The following NSFL1C variants were observed in gnomAD, a reference collection of about 807,000 sequenced individuals.
NSFL1C encodes the protein NSFL1 cofactor, also known as NSFL1 cofactor p47.
A neutral mutation model predicts 43.1 loss-of-function variants in NSFL1C; 14 were observed. The ratio of observed to expected loss-of-function variants is 0.32; its 90% CI spans 0.21 to 0.51. The LOEUF is 0.51. NSFL1C is among the 20% of genes least tolerant of loss of function. The probability of loss-of-function intolerance (pLI) is 0.98; values close to 1 mark genes in which losing one functional copy is unlikely to be tolerated. For synonymous variants in NSFL1C, 171 were observed against 183.5 expected, an observed-to-expected ratio of 0.93 and a Z score of 0.55; for missense variants, 406 against 472.5, an observed-to-expected ratio of 0.86 and a Z score of 1.30.
At chr20:1,466,454 C>T (rs886651674) in intron 1 of NSFL1C, among the ~76,000 whole-genome samples, 1 of 152,218 alleles carries the variant, frequency 6.6e-6, no homozygotes, top group East Asian at 1.9e-4. Flanking sequence ...CGCCGGCTGC[C>T]GCAGCGCCCG....
chr20:1,458,123 G>T (rs2090339329), intron 3 of NSFL1C, 77 bp downstream of exon 3: 1 of 1,122,532 alleles, frequency 8.9e-7, no homozygotes. Context: ...TGTTTACCAG[G>T]TCCTGTTCTA....
rs112530969 is a variant in NSFL1C at position 1,455,084 on chromosome 20, A to T, written c.327T>A (p.Pro109=). The T allele has an allele frequency of 3.1e-6, 5 of 1,614,128 alleles. No individual in the cohort carries two copies. The Middle Eastern group carries it at 4.9e-4, about 160-fold the overall frequency. ...GCTCGTTGGGACTTTTCTTCCTGGG[A>T]GGGCCAACAATCTGCTGTCCACTTC... The part of the protein sequence containing the change: ...SERSGQQIVG[P]PRKKSPNELV... The change falls in exon 4 of 9, where the codon CCT becomes CCA. Residue 109 remains proline, a synonymous_variant. Transcript: ENST00000216879.
Position 1,443,578 on chromosome 20 carries a change from C to T in NSFL1C, c.*171G>A. ...GATCATCACAAAAACCCAGGAAATGCAACTAAGGAGAAAACAAACGTCCAA... is the reference window on the plus strand; with the variant it reads ...GATCATCACAAAAACCCAGGAAATGTAACTAAGGAGAAAACAAACGTCCAA... On this transcript the variant is annotated 3_prime_UTR_variant, in exon 9 of 9. Coordinates refer to ENST00000216879, the MANE Select transcript of NSFL1C (RefSeq NM_016143.5). 1 of 556,636 alleles carries T rather than the reference C, an allele frequency of 1.8e-6. No individual in the cohort carries two copies. Among genetic ancestry groups the T allele is most frequent in the Non-Finnish European group, 3.1e-6 (1 of 326,276 alleles). 34.5% of individuals were successfully genotyped at this position (556,636 alleles called of 1,614,324 possible).
Position 1,453,461 on chromosome 20 carries a change from C to T in NSFL1C, c.538-321G>A, listed in dbSNP as rs553765830. Among the ~76,000 whole-genome samples the T allele has an allele frequency of 1.4e-3, 213 of 152,212 alleles. 1 individual carries two copies. Among genetic ancestry groups the T allele is most frequent in the South Asian group, 3.3e-3 (16 of 4,822 alleles). On this transcript the variant is annotated intron_variant, in intron 5 of 8. Coordinates refer to ENST00000216879, the MANE Select transcript of NSFL1C (RefSeq NM_016143.5). Reference sequence around the variant, plus strand: ...GACGCTTTGCTTGTGCTTGGTATGCCGTGAGTGTCCGACTAAACTACCATG... The same window carrying T: ...GACGCTTTGCTTGTGCTTGGTATGCTGTGAGTGTCCGACTAAACTACCATG...
At chr20:1,447,960 G>A (rs1324279349) in intron 7 of NSFL1C, among the ~76,000 whole-genome samples, 1 of 152,136 alleles carries the variant, frequency 6.6e-6, no homozygotes, top group Non-Finnish European at 1.5e-5. Flanking sequence ...CAATGAACAA[G>A]CCTCCTTTCA....
Position 1,443,850 on chromosome 20 carries a change from T to C in NSFL1C, c.1012A>G (p.Ile338Val). The change falls in exon 9 of 9, where the codon ATC becomes GTC. Residue 338 changes from isoleucine to valine, a missense_variant. Coordinates refer to ENST00000216879, the MANE Select transcript of NSFL1C (RefSeq NM_016143.5). ...ARPAMAATSF[I>V]LMTTFPNKEL... ...TTGTTCGGGAAAGTAGTCATGAGGA[T>C]AAAGCTGGTGGCAGCCATGGCTGGC... is the stretch of plus-strand genomic sequence containing the variant. The C allele has an allele frequency of 8.7e-6, 14 of 1,613,960 alleles. No homozygotes were observed. The highest frequency in any genetic ancestry group is 1.2e-5 in the Non-Finnish European group (14 of 1,179,984).
At chr20:1,460,501 T>C (rs1004844627) in intron 2 of NSFL1C, among the ~76,000 whole-genome samples, 8 of 152,372 alleles carry the variant, frequency 5.3e-5, no homozygotes, top group African/African-American at 1.9e-4. Context: ...ACTTTTGTCC[T>C]ATGGTCTCTA....
intron 8 of NSFL1C, among the ~76,000 whole-genome samples, chr20:1,444,939 A>C (rs2090027522): frequency 6.6e-6 from 1 of 152,236 alleles, no homozygotes; most frequent in Admixed American, 6.5e-5. Context: ...AGGCGAGCCC[A>C]GTCAATATTC....
intron 1 of NSFL1C, 51 bp from the exon 2 acceptor site, chr20:1,464,477 C>G (rs766716873): frequency 1.4e-6 from 2 of 1,433,494 alleles, no homozygotes; most frequent in Middle Eastern, 1.8e-4. Context: ...CTTCACCTAA[C>G]GCACATCTCC....
At chr20:1,443,968 C>G in intron 8 of NSFL1C, 57 bp from the exon 9 acceptor site, 1 of 1,545,558 alleles carries the variant, frequency 6.5e-7, no homozygotes, top group African/African-American at 1.4e-5. Flanking sequence ...ATACCCCTGC[C>G]CTGTGGAAAG....
rs1424055747 is a variant in NSFL1C at position 1,449,263 on chromosome 20, G to C, written c.785+3230C>G. Among the ~76,000 whole-genome samples the C allele has an allele frequency of 3.9e-5, 6 of 152,156 alleles. No individual in the cohort carries two copies. In the East Asian group the frequency reaches 1.2e-3, roughly 29 times the overall value. ...ACTAACTAATTATATCATTCTTCAA[G>C]GTCCTGCCCCACTTATATTTGCCTC... On this transcript the variant is annotated intron_variant, in intron 7 of 8. Transcript: ENST00000216879.
At chr20:1,446,508 T>C (rs1405075536) in intron 7 of NSFL1C, among the ~76,000 whole-genome samples, 1 of 152,152 alleles carries the variant, frequency 6.6e-6, no homozygotes, top group Non-Finnish European at 1.5e-5. Flanking sequence ...GTGTTAGATT[T>C]CATATCTCAG....
intron 2 of NSFL1C, among the ~76,000 whole-genome samples, chr20:1,462,516 T>C (rs549778846): frequency 4.4e-4 from 66 of 150,978 alleles, no homozygotes; most frequent in African/African-American, 1.4e-3. Flanking sequence ...TTGATTCTTT[T>C]ACTTTTATGC....
chr20:1,455,824 C>A, intron 3 of NSFL1C: 1 of 761,878 alleles, frequency 1.3e-6, no homozygotes, highest in Non-Finnish European at 2.4e-6. Flanking sequence ...AGGAGCTCCC[C>A]CAAGCCTCAC....
At chr20:1,447,568 G>A (rs1308030571) in intron 7 of NSFL1C, among the ~76,000 whole-genome samples, 1 of 152,004 alleles carries the variant, frequency 6.6e-6, no homozygotes, top group Non-Finnish European at 1.5e-5. Flanking sequence ...ACACTATCTC[G>A]TTTTGTTCAT....
intron 7 of NSFL1C, among the ~76,000 whole-genome samples, chr20:1,448,391 T>C (rs1427178323): frequency 6.6e-6 from 1 of 152,204 alleles, no homozygotes; most frequent in African/African-American, 2.4e-5. Context: ...TGTTCTGTTG[T>C]GAGGATGAGA....
Position 1,454,105 on chromosome 20 carries a change from G to T in NSFL1C, c.537+108C>A, listed in dbSNP as rs140830917. 9.7e-4 allele frequency: 814 copies of T among 843,318 alleles called. 8 individuals are homozygous for T. The African/African-American group carries it at 0.011, about 12-fold the overall frequency. 52.2% of individuals were successfully genotyped at this position (843,318 alleles called of 1,614,324 possible). A position where few individuals can be genotyped will look rare whatever the true frequency, so the allele number is the denominator to read the frequency against. ...CACAGCAAGGGCACTGTCTCTGTTA[G>T]TTTCCCTTTCAGAGGCTGCTGGTTA... On this transcript the variant is annotated intron_variant, in intron 5 of 8. Coordinates refer to ENST00000216879, the MANE Select transcript of NSFL1C (RefSeq NM_016143.5).
At chr20:1,462,622 C>G (rs150624523) in intron 2 of NSFL1C, among the ~76,000 whole-genome samples, 1 of 151,818 alleles carries the variant, frequency 6.6e-6, no homozygotes, top group East Asian at 1.9e-4. Context: ...CCCGGGTTCA[C>G]GCCATTCTCC....
chr20:1,443,590 A>G lies in NSFL1C; in HGVS notation c.*159T>C. 1.6e-6 allele frequency: 1 copy of G among 620,484 alleles called. No homozygotes were observed. Among genetic ancestry groups the G allele is most frequent in the South Asian group, 2.8e-5 (1 of 36,106 alleles). The allele number at this position is 620,484 out of a possible 1,614,324, so 38.4% of individuals were successfully genotyped here. On this transcript the variant is annotated 3_prime_UTR_variant, in exon 9 of 9. Coordinates refer to ENST00000216879, the MANE Select transcript of NSFL1C (RefSeq NM_016143.5). ...AACCCAGGAAATGCAACTAAGGAGA[A>G]AACAAACGTCCAACCAAGATCTAAG...
Sources: allele counts gnomAD v4.1 joint callset (sites outside exome capture counted in the v4.1 genomes callset), GRCh38; gene constraint gnomAD v4.1.1; transcripts MANE v1.5; gene names NCBI Gene and HGNC (gene_info 2026-07-23, HGNC 2026-07-21).